MID1: variants seen among roughly 807,000 people sequenced by gnomAD.
The protein encoded by MID1 is E3 ubiquitin-protein ligase Midline-1.
MID1 carries 7 observed loss-of-function variants against 40.4 expected under a neutral mutation model. That is an observed-to-expected ratio of 0.17 (90% confidence interval 0.10 to 0.33). The LOEUF (loss-of-function observed/expected upper bound fraction) is 0.33. Among genes scored for constraint, MID1 ranks in the 10% least tolerant of loss-of-function variants. The pLI is 1.00. For synonymous variants in MID1, 229 were observed against 221.2 expected, an observed-to-expected ratio of 1.04 and a Z score of -0.31; for missense variants, 367 against 558.5, an observed-to-expected ratio of 0.66 and a Z score of 3.46.
chrX:10,459,688 C>A lies in MID1; in HGVS notation c.1405G>T (p.Ala469Ser), dbSNP rs1254680142. The change falls in exon 8 of 10, where the codon GCG becomes TCG. Residue 469 changes from alanine (A) to serine (S), a missense_variant. Ala to Ser is a moderately conservative substitution (Grantham distance 99). Coordinates refer to ENST00000317552, the MANE Select transcript of MID1 (RefSeq NM_000381.4). Reference sequence around the variant, plus strand: ...CCAGGCTCACTGCTGCGGCTGCCCGCCTGGTTGATGGCCTTGACCATGAAG... The same window carrying A: ...CCAGGCTCACTGCTGCGGCTGCCCGACTGGTTGATGGCCTTGACCATGAAG... ...YIFMVKAINQAGSRSSEPGKL... is the reference protein window; with the variant it reads ...YIFMVKAINQSGSRSSEPGKL... 1.7e-6 allele frequency: 2 copies of A among 1,210,189 alleles called. No homozygotes were observed. The highest frequency in any genetic ancestry group is 3.5e-5 in the African/African-American group (2 of 57,248).
At chrX:10,798,460 G>A (rs1200335867) in intron 1 of MID1, among the ~76,000 whole-genome samples, 1 of 111,970 alleles carries the variant, frequency 8.9e-6, no homozygotes, top group Non-Finnish European at 1.9e-5. Flanking sequence ...TCCTTTAACT[G>A]TTATTGATTC....
intron 1 of MID1, among the ~76,000 whole-genome samples, chrX:10,639,075 G>A (rs1310659345): frequency 8.9e-6 from 1 of 112,336 alleles, no homozygotes; most frequent in Non-Finnish European, 1.9e-5. Flanking sequence ...CAGAAAAGCT[G>A]AAAATTCTAA....
intron 2 of MID1, among the ~76,000 whole-genome samples, chrX:10,545,427 G>C (rs756537140): frequency 8.9e-6 from 1 of 112,018 alleles, no homozygotes; most frequent in African/African-American, 3.2e-5. Context: ...CCAGATGAAC[G>C]AGACTTTCAA....
intron 7 of MID1, among the ~76,000 whole-genome samples, chrX:10,468,260 T>G (rs1352283815): frequency 9.2e-6 from 1 of 109,279 alleles, no homozygotes; most frequent in African/African-American, 3.3e-5. Flanking sequence ...TTGGGGAGAG[T>G]GGATATAAGG....
At chrX:10,607,975 T>C (rs1935656800) in intron 1 of MID1, among the ~76,000 whole-genome samples, 3 of 112,774 alleles carry the variant, frequency 2.7e-5, no homozygotes, top group Non-Finnish European at 5.6e-5. Context: ...TGTGAGAATT[T>C]TACCTGGGAG....
intron 1 of MID1, among the ~76,000 whole-genome samples, chrX:10,712,172 T>G (rs751947041): frequency 3.6e-5 from 4 of 111,034 alleles, no homozygotes; most frequent in Non-Finnish European, 5.7e-5. Flanking sequence ...CCCCCAGGAA[T>G]GTCAGGTGAC....
chrX:10,641,167 A>G (rs1936189646), intron 1 of MID1, among the ~76,000 whole-genome samples: 2 of 112,044 alleles, frequency 1.8e-5, no homozygotes, highest in African/African-American at 6.5e-5. Context: ...CTAAGATCAG[A>G]GCAGAACTGA....
At chrX:10,614,797 C>G (rs1391811578) in intron 1 of MID1, among the ~76,000 whole-genome samples, 6 of 112,151 alleles carry the variant, frequency 5.3e-5, no homozygotes, top group Admixed American at 2.8e-4. Context: ...GGCCTATTAC[C>G]AAAAGTATGC....
At chrX:10,782,380 C>T (rs1169562516) in intron 1 of MID1, among the ~76,000 whole-genome samples, 2 of 111,802 alleles carry the variant, frequency 1.8e-5, no homozygotes, top group African/African-American at 3.3e-5. Flanking sequence ...ATCCTTTCTT[C>T]GTTACTTCTC....
At chrX:10,493,608 A>T (rs1012979541) in intron 4 of MID1, among the ~76,000 whole-genome samples, 7 of 111,916 alleles carry the variant, frequency 6.3e-5, no homozygotes, top group Admixed American at 4.8e-4. Flanking sequence ...TTACTTTGAG[A>T]TCTATTGCAT....
intron 1 of MID1, among the ~76,000 whole-genome samples, chrX:10,636,785 G>GATATAGATATATATAT (rs1936118343): frequency 4.7e-5 from 2 of 42,719 alleles, no homozygotes; most frequent in African/African-American, 1.2e-4. Context: ...CAACAATGGG[G>GATATAGATATATATAT]ATATATATAT....
chrX:10,625,090 C>T (rs1003470896), upstream of MID1, among the ~76,000 whole-genome samples: 17 of 111,069 alleles, frequency 1.5e-4, no homozygotes, highest in African/African-American at 5.6e-4. Flanking sequence ...TAAGTGATTG[C>T]CTGTATCAGT....
chrX:10,516,559 CTTGT>C (rs1430169983), intron 3 of MID1, among the ~76,000 whole-genome samples: 11 of 70,989 alleles, frequency 1.5e-4, no homozygotes, highest in Admixed American at 8.9e-4. Flanking sequence ...ATACTCTGCT[CTTGT>C]GTGTGTGTGT....
intron 1 of MID1, among the ~76,000 whole-genome samples, chrX:10,713,871 C>T (rs1013400455): frequency 1.2e-4 from 13 of 111,619 alleles, no homozygotes; most frequent in East Asian, 5.6e-4. Context: ...TGAAGTACTC[C>T]GGGCATGTTT....
chrX:10,818,712 C>A (rs902761675), intron 1 of MID1, among the ~76,000 whole-genome samples: 1 of 112,111 alleles, frequency 8.9e-6, no homozygotes, highest in Non-Finnish European at 1.9e-5. Context: ...AGCCATAACC[C>A]TCAAAGAGCT....
At chrX:10,738,909 A>C (rs764190598) in intron 1 of MID1, among the ~76,000 whole-genome samples, 1 of 107,600 alleles carries the variant, frequency 9.3e-6, no homozygotes, top group African/African-American at 3.4e-5. Context: ...GGTGGATACT[A>C]GGATTTCATC....
At chrX:10,709,472 G>C (rs1459117367) in intron 1 of MID1, among the ~76,000 whole-genome samples, 1 of 112,090 alleles carries the variant, frequency 8.9e-6, no homozygotes, top group Non-Finnish European at 1.9e-5. Flanking sequence ...CTTCAGGCGG[G>C]TTAGGCGAGT....
chrX:10,779,281 G>A (rs1214790262), intron 1 of MID1, among the ~76,000 whole-genome samples: 1 of 112,083 alleles, frequency 8.9e-6, no homozygotes, highest in East Asian at 2.8e-4. Flanking sequence ...CCCAGGCTTG[G>A]TGGATTCTCT....
At chrX:10,590,320 G>C (rs753606319) in intron 1 of MID1, among the ~76,000 whole-genome samples, 54 of 111,088 alleles carry the variant, frequency 4.9e-4, no homozygotes, top group African/African-American at 1.7e-3. Context: ...CAATATGAGA[G>C]GGTCTGTCTC....
Sources: allele counts gnomAD v4.1 joint callset (sites outside exome capture counted in the v4.1 genomes callset), GRCh38; gene constraint gnomAD v4.1.1; transcripts MANE v1.5; gene names NCBI Gene and HGNC (gene_info 2026-07-23, HGNC 2026-07-21).